Variants in PLD1 observed in about 807,000 individuals in gnomAD.
PLD1 encodes choline phosphatase 1.
PLD1 carries 112 observed loss-of-function variants against 137.1 expected under a neutral mutation model. The observed-to-expected ratio is 0.82, with a 90% confidence interval of 0.70 to 0.96. PLD1 has a LOEUF of 0.96. Ranked by LOEUF, PLD1 falls within the 40% of genes least tolerant of loss-of-function variation. The probability of loss-of-function intolerance (pLI) is 0.00; values close to 1 mark genes in which losing one functional copy is unlikely to be tolerated. For missense variants in PLD1, 1,321 were observed against 1,342.0 expected (o/e 0.98, Z 0.24); for synonymous variants, 431 against 454.7 (o/e 0.95, Z 0.66).
intron 23 of PLD1, among the ~76,000 whole-genome samples, chr3:171,622,191 A>G (rs1733699692): frequency 6.6e-6 from 1 of 152,230 alleles, no homozygotes; most frequent in Non-Finnish European, 1.5e-5. Context: ...ATATTTTTTT[A>G]CAGTAATTTC....
Position 171,687,507 on chromosome 3 carries a change from C to A in PLD1, c.1617G>T (p.Lys539Asn). The part of the protein sequence containing the change: ...NEPVQNLPIQ[K>N]SIDDVDSKLK... ...GTTTTGAATCCACATCATCAATACT[C>A]TTCTGGATGGGTAGGTTTTGAACAG... The change falls in exon 15 of 27, where the codon AAG becomes AAT. Residue 539 changes from lysine (K) to asparagine (N), a missense_variant. Transcript: ENST00000351298. 1 of 1,613,886 alleles carries A rather than the reference C, an allele frequency of 6.2e-7. No individual in the cohort carries two copies. The highest frequency in any genetic ancestry group is 2.2e-5 in the East Asian group (1 of 44,880).
chr3:171,653,545 C>T (rs1450227971), intron 21 of PLD1: 2 of 152,134 alleles, frequency 1.3e-5, no homozygotes, highest in Admixed American at 6.5e-5. Context: ...AACAGCCAGT[C>T]GTGAGAAACC....
chr3:171,607,957 T>G (rs1446508743), intron 25 of PLD1, among the ~76,000 whole-genome samples: 2 of 152,182 alleles, frequency 1.3e-5, no homozygotes, highest in Non-Finnish European at 2.9e-5. Context: ...CTGCATTTTT[T>G]AAGTGAAAAA....
intron 1 of PLD1, chr3:171,771,232 T>C (rs1722332150): frequency 6.6e-6 from 1 of 152,102 alleles, no homozygotes; most frequent in Non-Finnish European, 1.5e-5. Flanking sequence ...CATATCACCT[T>C]AAAGAAAGAA....
chr3:171,775,007 G>C (rs1365728784), intron 1 of PLD1, among the ~76,000 whole-genome samples: 2 of 152,228 alleles, frequency 1.3e-5, no homozygotes, highest in East Asian at 3.8e-4. Context: ...CTGGGGGACA[G>C]TGGGACACAG....
chr3:171,606,283 G>A (rs933254572), intron 25 of PLD1, among the ~76,000 whole-genome samples: 7 of 152,232 alleles, frequency 4.6e-5, no homozygotes, highest in Non-Finnish European at 5.9e-5. Flanking sequence ...TCTGTGGGTA[G>A]AGCTGGTTTG....
chr3:171,716,014 G>A (rs2108221132), intron 8 of PLD1, among the ~76,000 whole-genome samples: 1 of 150,996 alleles, frequency 6.6e-6, no homozygotes, highest in South Asian at 2.1e-4. Flanking sequence ...AGTGAGAACA[G>A]GTGGTATTGG....
chr3:171,614,252 T>C (rs1202458002), intron 24 of PLD1, among the ~76,000 whole-genome samples: 2 of 152,226 alleles, frequency 1.3e-5, no homozygotes, highest in East Asian at 3.8e-4. Context: ...TGGGAACCTT[T>C]GAAACACTTT....
At chr3:171,788,271 T>TTTG (rs1723089026) in intron 1 of PLD1, among the ~76,000 whole-genome samples, 2 of 110,174 alleles carry the variant, frequency 1.8e-5, no homozygotes, top group African/African-American at 6.7e-5. Flanking sequence ...TTTTTTTTTT[T>TTTG]GTAAAGACTG....
intron 19 of PLD1, among the ~76,000 whole-genome samples, chr3:171,667,822 G>A (rs552198095): frequency 1.3e-5 from 2 of 152,290 alleles, no homozygotes; most frequent in African/African-American, 2.4e-5. Flanking sequence ...CGTGATCTCT[G>A]CTCACTGTAA....
intron 1 of PLD1, among the ~76,000 whole-genome samples, chr3:171,800,261 T>C (rs1723591432): frequency 6.6e-6 from 1 of 152,136 alleles, no homozygotes; most frequent in South Asian, 2.1e-4. Flanking sequence ...CAGGCTGGAG[T>C]GAAGTGGCGT....
chr3:171,621,789 T>G (rs1733657669), intron 23 of PLD1, among the ~76,000 whole-genome samples: 2 of 152,224 alleles, frequency 1.3e-5, no homozygotes, highest in Admixed American at 1.3e-4. Context: ...GAAAGACACT[T>G]CATCTGAAGA....
In PLD1 at chr3:171,738,519, T is replaced by C. The variant is rs568723614; in HGVS notation, c.-31-437A>G. ...TTTCCTAAAGAAAATTTAGAGTATT[T>C]CACATATTGAAATATATAGATTTAG... is the stretch of plus-strand genomic sequence containing the variant. On this transcript the variant is annotated intron_variant, in intron 1 of 26. Transcript: ENST00000351298. Among the ~76,000 whole-genome samples the C allele has an allele frequency of 1.6e-4, 25 of 152,302 alleles. 1 individual carries two copies. The South Asian group carries it at 5.2e-3, about 32-fold the overall frequency.
At chr3:171,657,489 TG>T (rs1737312314) in intron 21 of PLD1, among the ~76,000 whole-genome samples, 1 of 152,224 alleles carries the variant, frequency 6.6e-6, no homozygotes, top group Non-Finnish European at 1.5e-5. Context: ...TAAATGGAGC[TG>T]AAATCAGCCA....
intron 23 of PLD1, among the ~76,000 whole-genome samples, chr3:171,630,212 C>G (rs1734539825): frequency 6.6e-6 from 1 of 150,718 alleles, no homozygotes; most frequent in Admixed American, 6.6e-5. Context: ...AGGACATGAA[C>G]AGACACTTCT....
Position 171,612,230 on chromosome 3 carries a change from G to T in PLD1, c.2882+49C>A. The T allele has an allele frequency of 6.3e-7, 1 of 1,579,224 alleles. No homozygotes were observed. Among genetic ancestry groups the T allele is most frequent in the South Asian group, 1.1e-5 (1 of 88,412 alleles). On this transcript the variant is annotated intron_variant, in intron 25 of 26. Transcript: ENST00000351298. The surrounding 1 kb of genome is among the most constrained non-coding windows in gnomAD (Gnocchi z 4.1). Reference sequence around the variant, plus strand: ...AGGGCTAGCGGGGCTGGGTCCCAGCGACTGCTGCAGTGGAAATGCATCAGA... The same window carrying T: ...AGGGCTAGCGGGGCTGGGTCCCAGCTACTGCTGCAGTGGAAATGCATCAGA...
chr3:171,734,862 T>C lies in PLD1; in HGVS notation c.540+3A>G, dbSNP rs747683261. On this transcript the variant is annotated splice_donor_region_variant and intron_variant, in intron 5 of 26. Transcript: ENST00000351298. ...AAAACCACAGAATAGTGAAGAAACTTACTCTTCTACCAAGGAATTGTTCTT... is the reference window on the plus strand; with the variant it reads ...AAAACCACAGAATAGTGAAGAAACTCACTCTTCTACCAAGGAATTGTTCTT... 1 of 1,570,238 alleles carries C rather than the reference T, an allele frequency of 6.4e-7. No homozygotes were observed. The highest frequency in any genetic ancestry group is 1.7e-5 in the Admixed American group (1 of 59,858).
At chr3:171,747,384 G>A (rs1245343759) in intron 1 of PLD1, among the ~76,000 whole-genome samples, 1 of 152,146 alleles carries the variant, frequency 6.6e-6, no homozygotes, top group Non-Finnish European at 1.5e-5. Context: ...CTATGTGATG[G>A]AGCAACTGGC....
At chr3:171,662,598 A>G (rs1711629539) in intron 19 of PLD1, among the ~76,000 whole-genome samples, 1 of 152,206 alleles carries the variant, frequency 6.6e-6, no homozygotes, top group Admixed American at 6.5e-5. Context: ...GCATTTATTC[A>G]GAGCACCCAT....
Sources: allele counts gnomAD v4.1 joint callset (sites outside exome capture counted in the v4.1 genomes callset), GRCh38; gene constraint gnomAD v4.1.1; non-coding constraint Gnocchi (gnomAD v3.1); transcripts MANE v1.5; gene names NCBI Gene and HGNC (gene_info 2026-07-23, HGNC 2026-07-21).